The following TTC28 variants were observed in gnomAD, a reference collection of about 807,000 sequenced individuals.
TTC28 encodes tetratricopeptide repeat domain 28.
In TTC28, 61 loss-of-function variants were observed where a neutral mutation model predicts 198.0. The ratio of observed to expected loss-of-function variants is 0.31; its 90% CI spans 0.25 to 0.38. The LOEUF (loss-of-function observed/expected upper bound fraction) is 0.38. Ranked by LOEUF, TTC28 falls within the 10% of genes least tolerant of loss-of-function variation. The pLI is 1.00. For missense variants in TTC28, 2,678 were observed against 3,164.0 expected (o/e 0.85, Z 3.69); for synonymous variants, 1,171 against 1,297.8 (o/e 0.90, Z 2.10).
intron 1 of TTC28, among the ~76,000 whole-genome samples, chr22:28,633,280 CAAA>C (rs371317485): frequency 9.0e-6 from 1 of 110,754 alleles, no homozygotes. Flanking sequence ...GACTCTGTCT[CAAA>C]AAAAAAAAAG....
At position 28,447,205 on chromosome 22, in the gene TTC28, G is replaced by A. The variant is rs142724974; in HGVS notation, c.382-140562C>T. The stretch of plus-strand genomic sequence containing the variant: ...GCTATATAACAAAAGTTTTCAGAAA[G>A]GGAAGGCAAGTAACATAAATAAGTG... On this transcript the variant is annotated intron_variant, in intron 2 of 22. Transcript: ENST00000397906. Among the ~76,000 whole-genome samples, 628 of 151,886 alleles carry A rather than the reference G, an allele frequency of 4.1e-3. 4 individuals are homozygous for A. The highest frequency in any genetic ancestry group is 5.9e-3 in the Non-Finnish European group (403 of 67,970).
intron 2 of TTC28, among the ~76,000 whole-genome samples, chr22:28,617,537 G>T (rs1365587435): frequency 6.6e-6 from 1 of 151,878 alleles, no homozygotes; most frequent in Non-Finnish European, 1.5e-5. Flanking sequence ...TACGAATGAA[G>T]GTACATGAAT....
At chr22:28,637,471 A>G (rs945746160) in intron 1 of TTC28, among the ~76,000 whole-genome samples, 2 of 152,210 alleles carry the variant, frequency 1.3e-5, no homozygotes, top group African/African-American at 4.8e-5. Flanking sequence ...AGACTGCTAT[A>G]ACTATGTTTT....
At chr22:28,063,331 T>A (rs115723640) in intron 12 of TTC28, among the ~76,000 whole-genome samples, 1,555 of 152,308 alleles carry the variant, frequency 0.01, 31 homozygotes, top group African/African-American at 0.035. Context: ...CAGAACAGAA[T>A]GGCTGTAGTT....
chr22:28,298,071 A>G (rs2044935870), intron 3 of TTC28, among the ~76,000 whole-genome samples: 1 of 152,064 alleles, frequency 6.6e-6, no homozygotes, highest in African/African-American at 2.4e-5. Context: ...TTGCATGTAT[A>G]TGTCTTATCC....
intron 6 of TTC28, among the ~76,000 whole-genome samples, chr22:28,159,329 G>A (rs1015574476): frequency 1.3e-5 from 2 of 152,122 alleles, no homozygotes; most frequent in Non-Finnish European, 2.9e-5. Context: ...CCACTATGGA[G>A]AAGGGTTCGG....
rs1462149735 is a variant in TTC28 at position 28,094,123 on chromosome 22, C to A, written c.3889G>T (p.Ala1297Ser). Residue 1297 changes from alanine (A) to serine (S), a missense_variant, in exon 12 of 23, where the codon GCC (alanine) becomes TCC (serine). By Grantham distance (99) the Ala-to-Ser change is moderately conservative (BLOSUM62 1). Coordinates refer to ENST00000397906, the MANE Select transcript of TTC28 (RefSeq NM_001145418.2). ...ATGSALEQHI[A>S]SVREALGVES... The stretch of plus-strand genomic sequence containing the variant: ...ACCCCCAGGGCCTCCCGGACACTGG[C>A]AATGTGCTGCTCCAGGGCTGAGCCG... The A allele has an allele frequency of 1.3e-6, 2 of 1,551,166 alleles. No homozygotes were observed. The highest frequency in any genetic ancestry group is 2.7e-5 in the African/African-American group (2 of 73,028).
At chr22:28,011,873 G>A (rs910717145) in intron 14 of TTC28, among the ~76,000 whole-genome samples, 3 of 152,192 alleles carry the variant, frequency 2.0e-5, no homozygotes, top group African/African-American at 7.2e-5. Flanking sequence ...GTCACAGCCA[G>A]TCTCCATCTT....
At chr22:28,139,312 A>C (rs1386444959) in intron 6 of TTC28, among the ~76,000 whole-genome samples, 2 of 152,192 alleles carry the variant, frequency 1.3e-5, no homozygotes, top group African/African-American at 4.8e-5. Flanking sequence ...GTTTGTAAGA[A>C]AGTAGCAACT....
chr22:28,541,442 C>G (rs2049409682), intron 2 of TTC28, among the ~76,000 whole-genome samples: 1 of 152,156 alleles, frequency 6.6e-6, no homozygotes, highest in South Asian at 2.1e-4. Context: ...AGCAGCTACT[C>G]AGGAAAAGAG....
At chr22:28,116,528 C>G (rs1601335249) in intron 6 of TTC28, among the ~76,000 whole-genome samples, 2 of 151,960 alleles carry the variant, frequency 1.3e-5, no homozygotes. Flanking sequence ...CTGGGCCTGC[C>G]TGGCCAAGCC....
intron 6 of TTC28, among the ~76,000 whole-genome samples, chr22:28,138,503 A>G (rs1006485110): frequency 1.3e-5 from 2 of 152,260 alleles, no homozygotes; most frequent in East Asian, 3.8e-4. Context: ...TCTACCCAGT[A>G]TCACCATCAA....
intron 2 of TTC28, among the ~76,000 whole-genome samples, chr22:28,569,863 ACAAC>A (rs1481954800): frequency 6.6e-6 from 1 of 151,816 alleles, no homozygotes; most frequent in Non-Finnish European, 1.5e-5. Context: ...TCAACAAGCA[ACAAC>A]CAACCTCATT....
chr22:28,461,148 A>G (rs1408939367), intron 2 of TTC28, among the ~76,000 whole-genome samples: 1 of 152,068 alleles, frequency 6.6e-6, no homozygotes, highest in Non-Finnish European at 1.5e-5. Context: ...TTCATTTTCT[A>G]TATAGTTACC....
chr22:28,481,055 C>T (rs1199292480), intron 2 of TTC28, among the ~76,000 whole-genome samples: 2 of 152,056 alleles, frequency 1.3e-5, no homozygotes, highest in Non-Finnish European at 2.9e-5. Flanking sequence ...ATTCCATAAC[C>T]CCATGCCTTA....
chr22:28,371,496 T>C (rs2046330931), intron 2 of TTC28, among the ~76,000 whole-genome samples: 1 of 14,964 alleles, frequency 6.7e-5, no homozygotes, highest in Non-Finnish European at 1.2e-4. Context: ...GGCAACAGAG[T>C]GAGACCCTGT....
chr22:28,105,667 G>A lies in TTC28; in HGVS notation c.2919C>T (p.Tyr973=), dbSNP rs761158695. Residue 973 remains tyrosine (Y), a synonymous_variant, in exon 8 of 23, where the codon TAC becomes TAT. Coordinates refer to ENST00000397906, the MANE Select transcript of TTC28 (RefSeq NM_001145418.2). ...GTTCAAGGCAGGAAATGGCTTGTTC[G>A]TAATTCCCTAATTGGCTGTGCAGAC... is the stretch of plus-strand genomic sequence containing the variant. ...LGSLHSQLGN[Y]EQAISCLERQ... is the part of the protein sequence containing the mutation. 1.7e-5 allele frequency: 26 copies of A among 1,551,772 alleles called. No individual in the cohort carries two copies. In the East Asian group the frequency reaches 2.7e-4, roughly 16 times the overall value.
intron 5 of TTC28, among the ~76,000 whole-genome samples, chr22:28,268,366 G>A (rs1166179073): frequency 6.6e-6 from 1 of 152,174 alleles, no homozygotes; most frequent in African/African-American, 2.4e-5. Flanking sequence ...TGGGGTGTGT[G>A]CCAACAAATG....
chr22:28,235,638 C>A (rs1386234269), intron 5 of TTC28, among the ~76,000 whole-genome samples: 1 of 152,184 alleles, frequency 6.6e-6, no homozygotes, highest in Non-Finnish European at 1.5e-5. Flanking sequence ...ACACACACAA[C>A]TAAATAAGGA....
Sources: gnomAD v4.1 joint callset for allele counts (sites outside exome capture counted in the v4.1 genomes callset) on GRCh38, gnomAD v4.1.1 for gene constraint, MANE v1.5 for transcripts, NCBI Gene and HGNC (gene_info 2026-07-23, HGNC 2026-07-21) for gene names.